Variants in SDK1 observed in about 807,000 individuals in gnomAD.
SDK1 encodes the protein protein sidekick-1.
A neutral mutation model predicts 245.5 loss-of-function variants in SDK1; 157 were observed. The observed-to-expected ratio is 0.64, with a 90% CI of 0.56 to 0.73. SDK1 has a LOEUF of 0.73. Among genes scored for constraint, SDK1 ranks in the 30% least tolerant of loss-of-function variants. The probability of loss-of-function intolerance (pLI) is 0.00; values close to 1 mark genes in which losing one functional copy is unlikely to be tolerated. For synonymous variants in SDK1, 1,647 were observed against 1,278.5 expected (o/e 1.29, Z -6.15); for missense variants, 3,583 against 3,002.3 (o/e 1.19, Z -4.52).
In SDK1 at chr7:3,697,380, C is replaced by G. The variant is rs1332651624; in HGVS notation, c.713+55275C>G. Among the ~76,000 whole-genome samples, 5 of 152,210 alleles carry G rather than the reference C, an allele frequency of 3.3e-5. No individual in the cohort carries two copies. In the East Asian group the frequency reaches 7.7e-4, roughly 23 times the overall value. ...AGCTTCTGCCTCTGCTTCTTCTCAGCAATTAGGTCTCATCTTCAACTAATG... is the reference window on the plus strand; with the variant it reads ...AGCTTCTGCCTCTGCTTCTTCTCAGGAATTAGGTCTCATCTTCAACTAATG... On this transcript the variant is annotated intron_variant, in intron 4 of 44. Coordinates refer to ENST00000404826, the MANE Select transcript of SDK1 (RefSeq NM_152744.4).
chr7:3,969,917 C>T (rs957380876), intron 11 of SDK1, among the ~76,000 whole-genome samples: 2 of 152,218 alleles, frequency 1.3e-5, no homozygotes, highest in East Asian at 1.9e-4. Flanking sequence ...AACTAAGACA[C>T]TTCTAATATA....
At chr7:4,228,317 CGATA>C (rs761469600) in intron 40 of SDK1, among the ~76,000 whole-genome samples, 1 of 136,346 alleles carries the variant, frequency 7.3e-6, no homozygotes. Flanking sequence ...AGACCAAGCA[CGATA>C]GACAGGTGTG....
chr7:3,717,473 T>A (rs1177663697), intron 4 of SDK1, among the ~76,000 whole-genome samples: 1 of 152,154 alleles, frequency 6.6e-6, no homozygotes, highest in Non-Finnish European at 1.5e-5. Context: ...ATTAAATGTG[T>A]ATATTAGAAA....
chr7:3,880,483 A>G (rs1245684859), intron 5 of SDK1, among the ~76,000 whole-genome samples: 1 of 151,752 alleles, frequency 6.6e-6, no homozygotes, highest in African/African-American at 2.4e-5. Context: ...AGGGCTGCCA[A>G]GATCAAAAAA....
At chr7:4,161,029 A>G (rs781121146) in intron 31 of SDK1, among the ~76,000 whole-genome samples, 2 of 152,202 alleles carry the variant, frequency 1.3e-5, no homozygotes, top group Non-Finnish European at 2.9e-5. Flanking sequence ...TGCGTGTCAC[A>G]CTTCTGCTGG....
At chr7:3,894,881 A>AG (rs1259914702) in intron 5 of SDK1, among the ~76,000 whole-genome samples, 10 of 151,652 alleles carry the variant, frequency 6.6e-5, no homozygotes, top group Admixed American at 6.6e-4. Flanking sequence ...TTAGTAGAGA[A>AG]GGGGTTTCAC....
intron 1 of SDK1, among the ~76,000 whole-genome samples, chr7:3,618,298 C>T (rs1276275438): frequency 2.0e-5 from 3 of 152,150 alleles, no homozygotes; most frequent in East Asian, 1.9e-4. Flanking sequence ...TTACCTTCAC[C>T]CCCGTCGCTA....
intron 1 of SDK1, among the ~76,000 whole-genome samples, chr7:3,546,690 C>A (rs1448628890): frequency 6.6e-6 from 1 of 152,204 alleles, no homozygotes; most frequent in East Asian, 1.9e-4. Flanking sequence ...GCGTAAAGAC[C>A]ATCATTTCAC....
At chr7:4,141,985 G>A (rs1408012522) in intron 28 of SDK1, among the ~76,000 whole-genome samples, 5 of 152,120 alleles carry the variant, frequency 3.3e-5, no homozygotes, top group Non-Finnish European at 1.5e-5. Flanking sequence ...TTGAACTCCT[G>A]ACCTTTTGAT....
chr7:4,231,254 G>A (rs949901639), intron 40 of SDK1, among the ~76,000 whole-genome samples: 1 of 152,138 alleles, frequency 6.6e-6, no homozygotes. Context: ...GTGAGAAATG[G>A]CTGTAAATGA....
At chr7:4,172,300 T>TAC (rs1010076143) in intron 32 of SDK1, among the ~76,000 whole-genome samples, 72 of 152,302 alleles carry the variant, frequency 4.7e-4, no homozygotes, top group Middle Eastern at 6.8e-3. Flanking sequence ...GTCTGCCGGG[T>TAC]ACACACGGTG....
At chr7:4,249,014 C>T (rs897218017) in intron 44 of SDK1, among the ~76,000 whole-genome samples, 1 of 151,828 alleles carries the variant, frequency 6.6e-6, no homozygotes, top group Non-Finnish European at 1.5e-5. Flanking sequence ...CCTAAATACA[C>T]ACATGCACAC....
At chr7:3,650,674 A>G (rs530988164) in intron 4 of SDK1, among the ~76,000 whole-genome samples, 3 of 152,174 alleles carry the variant, frequency 2.0e-5, no homozygotes, top group South Asian at 2.1e-4. Context: ...GATTTCTCTT[A>G]TTAACCTTTT....
chr7:4,171,661 CA>C (rs1781845506), intron 32 of SDK1, among the ~76,000 whole-genome samples: 2 of 152,076 alleles, frequency 1.3e-5, no homozygotes, highest in African/African-American at 4.8e-5. Context: ...TGGTGGTGGC[CA>C]GTGAAGGGTA....
chr7:3,491,526 T>C (rs1781863084), intron 1 of SDK1, among the ~76,000 whole-genome samples: 1 of 152,236 alleles, frequency 6.6e-6, no homozygotes, highest in African/African-American at 2.4e-5. Context: ...AGCATTTCTT[T>C]TTCCCCTATT....
chr7:4,184,492 C>T (rs17134457), intron 35 of SDK1, among the ~76,000 whole-genome samples: 13,958 of 152,178 alleles, frequency 0.092, 718 homozygotes, highest in Middle Eastern at 0.16. Flanking sequence ...CCGGGGTCAG[C>T]CCCCAGTCAG....
intron 14 of SDK1, among the ~76,000 whole-genome samples, chr7:3,995,129 G>A (rs11971958): frequency 0.061 from 9,227 of 152,110 alleles, 887 homozygotes; most frequent in African/African-American, 0.21. Flanking sequence ...CTGCCTCTCC[G>A]ATTTATCTCC....
At chr7:4,030,029 C>T (rs1479095183) in intron 17 of SDK1, among the ~76,000 whole-genome samples, 2 of 152,196 alleles carry the variant, frequency 1.3e-5, no homozygotes. Flanking sequence ...AACTTAAACT[C>T]TCTGTGGATG....
intron 1 of SDK1, among the ~76,000 whole-genome samples, chr7:3,320,272 T>G (rs1779769620): frequency 9.7e-6 from 1 of 102,702 alleles, no homozygotes; most frequent in Non-Finnish European, 2.1e-5. Flanking sequence ...TTACAGCTTT[T>G]TTTTTCTATT....
Sources: gnomAD v4.1 joint callset for allele counts (sites outside exome capture counted in the v4.1 genomes callset) on GRCh38, gnomAD v4.1.1 for gene constraint, MANE v1.5 for transcripts, NCBI Gene and HGNC (gene_info 2026-07-23, HGNC 2026-07-21) for gene names.